LRRC57: variants seen among roughly 807,000 people sequenced by gnomAD.
LRRC57 encodes the protein leucine-rich repeat-containing protein 57.
LRRC57 carries 14 observed loss-of-function variants against 23.1 expected under a neutral mutation model. The observed-to-expected ratio is 0.61, with a 90% CI of 0.40 to 0.95. The LOEUF is 0.95. Among genes scored for constraint, LRRC57 ranks in the 40% least tolerant of loss-of-function variants. The pLI, the probability that LRRC57 is intolerant of heterozygous loss-of-function variation, is 0.00. For synonymous variants in LRRC57, 106 were observed against 115.2 expected (o/e 0.92, Z 0.51); for missense variants, 236 against 284.4 (o/e 0.83, Z 1.22).
At chr15:42,529,705 G>T in the LRRC57 span, 11 of 1,613,914 alleles carry the variant, frequency 6.8e-6, no homozygotes. Context: ...AAGATGAAAT[G>T]GAAGAGAACC....
the LRRC57 span, chr15:42,528,403 T>TGG: frequency 5.6e-6 from 9 of 1,614,136 alleles, no homozygotes; most frequent in Non-Finnish European, 7.6e-6. Context: ...GAGCAGCCAG[T>TGG]GGTGGATACA....
intron 3 of LRRC57, 55 bp downstream of exon 3, chr15:42,548,051 A>G (rs2057671293): frequency 6.3e-7 from 1 of 1,590,270 alleles, no homozygotes; most frequent in East Asian, 2.2e-5. Flanking sequence ...GTAAGAGAAA[A>G]CCACCCCTGG....
rs1212300126 is a variant in LRRC57, at chr15:42,547,372, A to C, written c.381T>G (p.Leu127=). ...TCACATCCAGGTGCCGTAGGCTACA[A>C]AGTTGGGGAGGTAATGCTCCCAGTT... ...GNQLGALPPQ[L]CSLRHLDVMD... is the part of the protein sequence containing the mutation. The change falls in exon 4 of 6, where the codon CTT becomes CTG. Residue 127 remains leucine, a synonymous_variant. Coordinates refer to ENST00000397130, the MANE Select transcript of LRRC57 (RefSeq NM_153260.3). 1 of 1,614,078 alleles carries C rather than the reference A, an allele frequency of 6.2e-7. No homozygotes were observed.
At chr15:42,531,334 C>G in the LRRC57 span, 1 of 886,228 alleles carries the variant, frequency 1.1e-6, no homozygotes, top group South Asian at 2.4e-5. Flanking sequence ...CTTGGTGTGT[C>G]AGTTACTCCA....
downstream of LRRC57, among the ~76,000 whole-genome samples, chr15:42,535,253 C>A (rs770121665): frequency 6.6e-6 from 1 of 152,194 alleles, no homozygotes; most frequent in Non-Finnish European, 1.5e-5. Context: ...TTCCCTTAAA[C>A]CTCATGAACC....
At chr15:42,537,601 C>A (rs1442265870), downstream of LRRC57, among the ~76,000 whole-genome samples, 2 of 152,104 alleles carry the variant, frequency 1.3e-5, no homozygotes, top group Non-Finnish European at 2.9e-5. Context: ...ATGGTTATTG[C>A]AGCACTATTC....
Position 42,548,780 on chromosome 15 carries a change from C to A in LRRC57, c.-110G>T. On this transcript the variant is annotated 5_prime_UTR_variant, in exon 1 of 6. Coordinates refer to ENST00000397130, the MANE Select transcript of LRRC57 (RefSeq NM_153260.3). The stretch of plus-strand genomic sequence containing the variant: ...ATGCGCTCCCCGGCTTAGTCCCGGG[C>A]GGGAACGCCCTGTGACGTCATCGAG... 2 of 910,864 alleles carry A rather than the reference C, an allele frequency of 2.2e-6. No homozygotes were observed. The highest frequency in any genetic ancestry group is 3.4e-6 in the Non-Finnish European group (2 of 596,002). 56.4% of individuals were successfully genotyped at this position (910,864 alleles called of 1,614,324 possible). A position where few individuals can be genotyped will look rare whatever the true frequency, so the allele number is the denominator to read the frequency against.
downstream of LRRC57, among the ~76,000 whole-genome samples, chr15:42,537,301 C>A (rs1171618596): frequency 2.0e-5 from 3 of 146,342 alleles, no homozygotes; most frequent in Admixed American, 6.7e-5. Context: ...TGAAAAAAAT[C>A]TCAACACTGC....
At chr15:42,544,850 A>ATATATATATATATATATATATATATATG (rs1410766587) in intron 5 of LRRC57, among the ~76,000 whole-genome samples, 2 of 144,824 alleles carry the variant, frequency 1.4e-5, no homozygotes, top group African/African-American at 5.6e-5. Flanking sequence ...CACTATATAT[A>ATATATATATATATATATATATATATATG]TATATATATC....
rs749192567 is a variant in LRRC57 at position 42,547,288 on chromosome 15, G to T, written c.465C>A (p.Val155=). Residue 155 remains valine (V), a synonymous_variant, in exon 4 of 6, where the codon GTC becomes GTA. Coordinates refer to ENST00000397130, the MANE Select transcript of LRRC57 (RefSeq NM_153260.3). ...GATTCTGGTTGAGGTTGAGTTCGAT[G>T]ACTTGCAGCTCTCCCACTGAGTCAG... ...SIPDSVGELQ[V]IELNLNQNQI... is the part of the protein sequence containing the mutation. 1 of 1,613,990 alleles carries T rather than the reference G, an allele frequency of 6.2e-7. No homozygotes were observed. The highest frequency in any genetic ancestry group is 8.5e-7 in the Non-Finnish European group (1 of 1,180,050).
At chr15:42,547,673 A>G (rs1343618595) in intron 3 of LRRC57, 144 bp from the exon 4 acceptor site, 3 of 738,726 alleles carry the variant, frequency 4.1e-6, no homozygotes, top group Non-Finnish European at 6.5e-6. Flanking sequence ...TAGATATTGC[A>G]TTTTACCAAC....
At chr15:42,537,216 GTCTC>G (rs375203501), downstream of LRRC57, among the ~76,000 whole-genome samples, 24 of 139,324 alleles carry the variant, frequency 1.7e-4, no homozygotes, top group Middle Eastern at 3.6e-3. Context: ...CCATCTCTCT[GTCTC>G]TCTCTCTCTC....
At chr15:42,537,127 C>G (rs1158063191), downstream of LRRC57, among the ~76,000 whole-genome samples, 1 of 151,934 alleles carries the variant, frequency 6.6e-6, no homozygotes, top group Non-Finnish European at 1.5e-5. Flanking sequence ...CACTGTAGTC[C>G]CAGCTACTTG....
At chr15:42,536,120 A>G (rs189310403), downstream of LRRC57, among the ~76,000 whole-genome samples, 50 of 152,188 alleles carry the variant, frequency 3.3e-4, no homozygotes, top group East Asian at 9.3e-3. Flanking sequence ...TGGCATCCCA[A>G]AACAGTTAAA....
chr15:42,531,547 A>G, the LRRC57 span: 3 of 1,272,192 alleles, frequency 2.4e-6, no homozygotes. Context: ...TTACCTTTTC[A>G]GAGTTTAAGT....
downstream of LRRC57, among the ~76,000 whole-genome samples, chr15:42,535,660 C>A (rs1442053298): frequency 6.6e-6 from 1 of 152,082 alleles, no homozygotes; most frequent in Non-Finnish European, 1.5e-5. Context: ...GTGATCCGCC[C>A]ACCTCGGCCT....
In LRRC57 at chr15:42,539,734, C is replaced by T. The variant is rs1443420794; in HGVS notation, c.*4349G>A. The T allele has an allele frequency of 1.3e-5, 2 of 152,138 alleles. No individual in the cohort carries two copies. Among genetic ancestry groups the T allele is most frequent in the Non-Finnish European group, 2.9e-5 (2 of 68,036 alleles). The allele number at this position is 152,138 out of a possible 1,614,324, so 9.4% of individuals were successfully genotyped here. On this transcript the variant is annotated 3_prime_UTR_variant, in exon 6 of 6. Transcript: ENST00000397130. Reference sequence around the variant, plus strand: ...CATATTTAAATCTAAATCTTGTTTGCTGTAACTTTGGGCATATTACTGTAT... The same window carrying T: ...CATATTTAAATCTAAATCTTGTTTGTTGTAACTTTGGGCATATTACTGTAT...
chr15:42,545,655 G>C (rs2057655523), intron 4 of LRRC57, among the ~76,000 whole-genome samples: 1 of 152,048 alleles, frequency 6.6e-6, no homozygotes, highest in Non-Finnish European at 1.5e-5. Context: ...TGTGTACATA[G>C]ATACTGACCA....
At position 42,543,851 on chromosome 15, in the gene LRRC57, C is replaced by T; in HGVS notation, c.*232G>A. 4.8e-6 allele frequency: 2 copies of T among 416,950 alleles called. No individual in the cohort carries two copies. Among genetic ancestry groups the T allele is most frequent in the Non-Finnish European group, 8.6e-6 (2 of 231,914 alleles). The allele number at this position is 416,950 out of a possible 1,614,324, so 25.8% of individuals were successfully genotyped here. A position where few individuals can be genotyped will look rare whatever the true frequency, so the allele number is the denominator to read the frequency against. ...TTTTGAAGAGAACCTTGTCTATTGCCCTACTCATGACTCAAAACGGAAGAC... is the reference window on the plus strand; with the variant it reads ...TTTTGAAGAGAACCTTGTCTATTGCTCTACTCATGACTCAAAACGGAAGAC... On this transcript the variant is annotated 3_prime_UTR_variant, in exon 6 of 6. Transcript: ENST00000397130.
Sources: gnomAD v4.1 joint callset for allele counts (sites outside exome capture counted in the v4.1 genomes callset) on GRCh38, gnomAD v4.1.1 for gene constraint, MANE v1.5 for transcripts, NCBI Gene and HGNC (gene_info 2026-07-23, HGNC 2026-07-21) for gene names.